LRRC20: variants seen among roughly 807,000 people sequenced by gnomAD.
The protein encoded by LRRC20 is leucine-rich repeat-containing protein 20.
Under a neutral mutation model 14.4 loss-of-function variants are expected in LRRC20, and 11 were observed. The observed-to-expected ratio is 0.77, with a 90% CI of 0.48 to 1.27. The LOEUF (loss-of-function observed/expected upper bound fraction) is 1.27. Among genes scored for constraint, LRRC20 ranks in the 50% most tolerant of loss-of-function variants. The probability of loss-of-function intolerance (pLI) is 0.00; values close to 1 mark genes in which losing one functional copy is unlikely to be tolerated. For synonymous variants in LRRC20, 121 were observed against 107.3 expected (o/e 1.13, Z -0.79); for missense variants, 219 against 251.2 (o/e 0.87, Z 0.87).
At chr10:70,351,852 A>G (rs951616793) in intron 2 of LRRC20, among the ~76,000 whole-genome samples, 10 of 152,228 alleles carry the variant, frequency 6.6e-5, no homozygotes, top group African/African-American at 2.4e-4. Context: ...CAGTTTCTGC[A>G]ATACAAGCTT....
intron 3 of LRRC20, among the ~76,000 whole-genome samples, chr10:70,325,386 A>G (rs1483266937): frequency 1.3e-5 from 2 of 151,920 alleles, no homozygotes; most frequent in African/African-American, 4.8e-5. Context: ...TCCCCCTCCC[A>G]TCCCTGTTCT....
intron 2 of LRRC20, among the ~76,000 whole-genome samples, chr10:70,357,680 C>T (rs911753100): frequency 6.6e-6 from 1 of 152,124 alleles, no homozygotes; most frequent in Non-Finnish European, 1.5e-5. Context: ...TCCTGGCAAG[C>T]CAGTAAGGAG....
intron 1 of LRRC20, chr10:70,381,365 G>C (rs1307633317): frequency 1.3e-5 from 2 of 152,212 alleles, no homozygotes; most frequent in South Asian, 2.1e-4. Flanking sequence ...TCCTGCTTTG[G>C]GGGAGCTGGC....
intron 3 of LRRC20, among the ~76,000 whole-genome samples, chr10:70,340,265 C>T (rs1842866062): frequency 6.6e-6 from 1 of 152,174 alleles, no homozygotes; most frequent in African/African-American, 2.4e-5. Context: ...CTCCCAGGGC[C>T]TCAGGACCCA....
chr10:70,320,563 G>A (rs926341622), intron 4 of LRRC20, among the ~76,000 whole-genome samples: 3 of 152,232 alleles, frequency 2.0e-5, no homozygotes, highest in Admixed American at 1.3e-4. Context: ...GAGGAGCTTC[G>A]AGGCTTTGGA....
intron 2 of LRRC20, among the ~76,000 whole-genome samples, chr10:70,365,121 A>G (rs1843931723): frequency 2.3e-5 from 3 of 131,164 alleles, no homozygotes; most frequent in African/African-American, 8.8e-5. Flanking sequence ...GTGCAGTGGC[A>G]CCATCTCAGC....
intron 2 of LRRC20, among the ~76,000 whole-genome samples, chr10:70,361,047 C>T (rs1843699239): frequency 8.2e-6 from 1 of 121,684 alleles, no homozygotes; most frequent in Admixed American, 8.9e-5. Flanking sequence ...GACCCCATCT[C>T]TAAAAAAAAA....
intron 3 of LRRC20, among the ~76,000 whole-genome samples, chr10:70,335,490 G>A (rs1842700102): frequency 6.6e-6 from 1 of 152,230 alleles, no homozygotes; most frequent in Non-Finnish European, 1.5e-5. Context: ...CCCAGGCCCA[G>A]GCTCTTGAGA....
At chr10:70,347,493 C>T (rs2054126680) in intron 2 of LRRC20, among the ~76,000 whole-genome samples, 1 of 152,132 alleles carries the variant, frequency 6.6e-6, no homozygotes, top group Non-Finnish European at 1.5e-5. Context: ...ATCCCAACCT[C>T]ACACCACCCA....
chr10:70,376,608 G>A lies in LRRC20; in HGVS notation c.-63-12C>T, dbSNP rs920322303. On this transcript the variant is annotated splice_polypyrimidine_tract_variant and intron_variant, in intron 1 of 4. Coordinates refer to ENST00000446961, the MANE Select transcript of LRRC20 (RefSeq NM_001278212.2). ...AAAAGGGCCTGAGCCTGGGGAAGACGCAGTGCCATGAAGTGCCCGCCTGCC... is the reference window on the plus strand; with the variant it reads ...AAAAGGGCCTGAGCCTGGGGAAGACACAGTGCCATGAAGTGCCCGCCTGCC... 39 of 1,444,534 alleles carry A rather than the reference G, an allele frequency of 2.7e-5. No homozygotes were observed. Among genetic ancestry groups the A allele is most frequent in the Middle Eastern group, 3.5e-4 (2 of 5,706 alleles). The allele number at this position is 1,444,534 out of a possible 1,614,324, so 89.5% of individuals were successfully genotyped here. A position where few individuals can be genotyped will look rare whatever the true frequency, so the allele number is the denominator to read the frequency against.
chr10:70,367,907 G>A (rs892195941), intron 2 of LRRC20, among the ~76,000 whole-genome samples: 1 of 133,554 alleles, frequency 7.5e-6, no homozygotes. Flanking sequence ...ACCAGCCCCC[G>A]CCCTCACAGA....
intron 4 of LRRC20, among the ~76,000 whole-genome samples, chr10:70,306,343 CTT>C (rs1841425950): frequency 6.6e-6 from 1 of 152,162 alleles, no homozygotes; most frequent in Non-Finnish European, 1.5e-5. Flanking sequence ...CTGTACAGCA[CTT>C]CCCCCTCTAG....
intron 3 of LRRC20, among the ~76,000 whole-genome samples, chr10:70,336,893 A>C (rs1477423028): frequency 2.0e-5 from 3 of 152,246 alleles, no homozygotes; most frequent in Admixed American, 6.5e-5. Flanking sequence ...ACAGGGATAC[A>C]GGAGCAGAAG....
At chr10:70,354,169 T>C (rs545602030) in intron 2 of LRRC20, among the ~76,000 whole-genome samples, 2 of 152,130 alleles carry the variant, frequency 1.3e-5, no homozygotes, top group African/African-American at 4.8e-5. Context: ...TGCCTAAGTC[T>C]CTCTCCCAGA....
At chr10:70,339,623 G>A (rs952842423) in intron 3 of LRRC20, among the ~76,000 whole-genome samples, 4 of 152,280 alleles carry the variant, frequency 2.6e-5, no homozygotes, top group African/African-American at 9.6e-5. Context: ...TGTCACATGG[G>A]TCACTGAGCA....
chr10:70,339,268 G>A (rs879468137), intron 3 of LRRC20, among the ~76,000 whole-genome samples: 3 of 152,244 alleles, frequency 2.0e-5, no homozygotes, highest in Non-Finnish European at 4.4e-5. Flanking sequence ...CAAGGGCACT[G>A]CTATGAATGC....
chr10:70,349,654 C>T (rs1345532846), intron 2 of LRRC20, among the ~76,000 whole-genome samples: 2 of 152,152 alleles, frequency 1.3e-5, no homozygotes, highest in Non-Finnish European at 2.9e-5. Context: ...CAGTTCTAGG[C>T]ACTTTTTCTA....
At chr10:70,351,544 G>C (rs566523587) in intron 2 of LRRC20, among the ~76,000 whole-genome samples, 3 of 152,208 alleles carry the variant, frequency 2.0e-5, no homozygotes, top group African/African-American at 7.2e-5. Context: ...CTTCTGCATG[G>C]CAATCCTTCA....
At chr10:70,342,388 C>G (rs563313348) in intron 2 of LRRC20, among the ~76,000 whole-genome samples, 2 of 151,842 alleles carry the variant, frequency 1.3e-5, no homozygotes. Context: ...GAATTGTACA[C>G]TTTAAGTGGA....
Sources: gnomAD v4.1 joint callset for allele counts (sites outside exome capture counted in the v4.1 genomes callset) on GRCh38, gnomAD v4.1.1 for gene constraint, MANE v1.5 for transcripts, NCBI Gene and HGNC (gene_info 2026-07-23, HGNC 2026-07-21) for gene names.